The following IL17RD variants were observed in gnomAD, a reference collection of about 807,000 sequenced individuals.
IL17RD encodes the protein interleukin 17 receptor D.
In IL17RD, 52 loss-of-function variants were observed where a neutral mutation model predicts 80.5. The observed-to-expected ratio is 0.65, with a 90% CI of 0.52 to 0.81. The LOEUF (loss-of-function observed/expected upper bound fraction) is 0.81. IL17RD is among the 40% of genes least tolerant of loss of function. The probability of loss-of-function intolerance (pLI) is 0.00; values close to 1 mark genes in which losing one functional copy is unlikely to be tolerated. For synonymous variants in IL17RD, 416 were observed against 391.8 expected (o/e 1.06, Z -0.73); for missense variants, 1,024 against 955.1 (o/e 1.07, Z -0.95).
At chr3:57,155,985 T>A (rs1024854992) in intron 1 of IL17RD, among the ~76,000 whole-genome samples, 3 of 152,194 alleles carry the variant, frequency 2.0e-5, no homozygotes, top group Non-Finnish European at 4.4e-5. Context: ...ATTGCTCTTA[T>A]TGCCTCATTT....
chr3:57,132,583 G>T (rs1178700715), intron 1 of IL17RD, among the ~76,000 whole-genome samples: 1 of 152,088 alleles, frequency 6.6e-6, no homozygotes, highest in African/African-American at 2.4e-5. Flanking sequence ...TCCTTTATAG[G>T]CAGTATTTGT....
chr3:57,156,277 C>T (rs966500085), intron 1 of IL17RD, among the ~76,000 whole-genome samples: 1 of 151,656 alleles, frequency 6.6e-6, no homozygotes, highest in Admixed American at 6.6e-5. Context: ...CTATTTGTCT[C>T]CCCTACTAAA....
At chr3:57,106,037 A>G in intron 6 of IL17RD, 29 bp from the exon 7 acceptor site, 1 of 1,613,552 alleles carries the variant, frequency 6.2e-7, no homozygotes, top group South Asian at 1.1e-5. Context: ...CAGAGTGAGC[A>G]ACCAGAGGCT....
In IL17RD at chr3:57,164,812, C is replaced by T. The variant is rs954103310; in HGVS notation, c.126+349G>A. 12 of 841,898 alleles carry T rather than the reference C, an allele frequency of 1.4e-5. No individual in the cohort carries two copies. The African/African-American group carries it at 2.2e-4, about 16-fold the overall frequency. The allele number at this position is 841,898 out of a possible 1,614,324, so 52.2% of individuals were successfully genotyped here. On this transcript the variant is annotated intron_variant, in intron 1 of 12. Coordinates refer to ENST00000296318, the MANE Select transcript of IL17RD (RefSeq NM_017563.5). ...GCTCGGGGGATCCCAGCCCGGGACA[C>T]GCAGCCCTGGGACGAAGGAGGTCCC...
intron 2 of IL17RD, among the ~76,000 whole-genome samples, chr3:57,119,840 C>A (rs1161596354): frequency 3.9e-5 from 6 of 152,208 alleles, no homozygotes; most frequent in Admixed American, 2.6e-4. Flanking sequence ...CTCATGGCCA[C>A]CATATTTGGA....
chr3:57,100,166 G>A (rs1485257751), intron 11 of IL17RD, among the ~76,000 whole-genome samples: 1 of 152,188 alleles, frequency 6.6e-6, no homozygotes. Context: ...TTGGTTGCCC[G>A]TGGTATCTGA....
upstream of IL17RD, among the ~76,000 whole-genome samples, chr3:57,167,496 A>G (rs1477639495): frequency 2.0e-5 from 3 of 152,180 alleles, no homozygotes; most frequent in Non-Finnish European, 2.9e-5. Context: ...AGATGAGGCC[A>G]GGACCATATG....
chr3:57,121,963 C>T (rs1707349189), intron 1 of IL17RD, among the ~76,000 whole-genome samples: 1 of 152,122 alleles, frequency 6.6e-6, no homozygotes, highest in Admixed American at 6.5e-5. Context: ...CTGTCCCCGC[C>T]CTCATGAAAT....
chr3:57,164,980 C>G (rs1046546002), intron 1 of IL17RD, 181 bp downstream of exon 1: 8 of 1,331,856 alleles, frequency 6.0e-6, no homozygotes, highest in Non-Finnish European at 7.6e-6. Context: ...CGGCCAGGGC[C>G]GGAGGACACG....
chr3:57,131,445 A>G (rs1029319909), intron 1 of IL17RD, among the ~76,000 whole-genome samples: 5 of 152,194 alleles, frequency 3.3e-5, no homozygotes, highest in Admixed American at 3.3e-4. Context: ...ACCCAGCCCA[A>G]TGCCCATCAA....
intron 11 of IL17RD, among the ~76,000 whole-genome samples, chr3:57,100,368 A>C (rs1706799966): frequency 6.6e-6 from 1 of 152,192 alleles, no homozygotes. Flanking sequence ...ACTTCCAATC[A>C]CACAGTTATT....
rs764856504 is a variant in IL17RD at position 57,105,939 on chromosome 3, G to A, written c.665C>T (p.Pro222Leu). 2.5e-5 allele frequency: 40 copies of A among 1,613,678 alleles called. No homozygotes were observed. The highest frequency in any genetic ancestry group is 1.7e-4 in the Admixed American group (10 of 59,984). ...GAAGAAACGGAAGCCGAAGTTGTGC[G>A]GTGCATGGTCGAAGGACACCTGCAT... is the stretch of plus-strand genomic sequence containing the variant. ...SDMQVSFDHA[P>L]HNFGFRFFYL... is the part of the protein sequence containing the mutation. The change falls in exon 7 of 13, where the codon CCG (proline) becomes CTG (leucine). Residue 222 changes from proline to leucine, a missense_variant. Coordinates refer to ENST00000296318, the MANE Select transcript of IL17RD (RefSeq NM_017563.5).
At chr3:57,166,730 C>A (rs4283545), upstream of IL17RD, among the ~76,000 whole-genome samples, 100,511 of 151,892 alleles carry the variant, frequency 0.66, 33,616 homozygotes, top group African/African-American at 0.75. Context: ...GCACAGAACT[C>A]CCCCCAGCCC....
intron 2 of IL17RD, among the ~76,000 whole-genome samples, chr3:57,118,704 G>T (rs554065837): frequency 1.3e-5 from 2 of 152,264 alleles, no homozygotes; most frequent in Admixed American, 6.5e-5. Flanking sequence ...AAAAAGTGGT[G>T]CTTGCATTCC....
At chr3:57,129,845 C>A (rs939905960) in intron 1 of IL17RD, among the ~76,000 whole-genome samples, 3 of 152,178 alleles carry the variant, frequency 2.0e-5, no homozygotes, top group African/African-American at 7.2e-5. Context: ...CAGCATTAGG[C>A]CCTTTTTCAA....
intron 1 of IL17RD, among the ~76,000 whole-genome samples, chr3:57,152,910 T>C (rs765934802): frequency 6.6e-6 from 1 of 152,150 alleles, no homozygotes; most frequent in Non-Finnish European, 1.5e-5. Context: ...TGAATTTTGG[T>C]GTGAGGAAGC....
At chr3:57,147,333 T>C (rs1707954043) in intron 1 of IL17RD, among the ~76,000 whole-genome samples, 2 of 152,118 alleles carry the variant, frequency 1.3e-5, no homozygotes, top group South Asian at 2.1e-4. Context: ...GATGAAGAAA[T>C]AGCCTCAGGG....
chr3:57,122,102 G>C (rs1191158001), intron 1 of IL17RD, among the ~76,000 whole-genome samples: 1 of 152,144 alleles, frequency 6.6e-6, no homozygotes, highest in Admixed American at 6.6e-5. Context: ...GCAAAACAAG[G>C]TATATATAGC....
chr3:57,138,939 C>CAAA (rs1026336884), intron 1 of IL17RD, among the ~76,000 whole-genome samples: 14 of 40,320 alleles, frequency 3.5e-4, no homozygotes, highest in East Asian at 7.7e-4. Context: ...AACTCCATCT[C>CAAA]AAAAAAAAAA....
Sources: allele counts gnomAD v4.1 joint callset (sites outside exome capture counted in the v4.1 genomes callset), GRCh38; gene constraint gnomAD v4.1.1; transcripts MANE v1.5; gene names NCBI Gene and HGNC (gene_info 2026-07-23, HGNC 2026-07-21).